MAGI1: variants seen among roughly 807,000 people sequenced by gnomAD.
MAGI1 encodes membrane associated guanylate kinase, WW and PDZ domain containing 1.
Under a neutral mutation model 139.9 loss-of-function variants are expected in MAGI1, and 58 were observed. That is an observed-to-expected ratio of 0.41 (90% confidence interval 0.34 to 0.52). MAGI1 has a LOEUF of 0.52. MAGI1 is among the 20% of genes least tolerant of loss of function. The pLI, the probability that MAGI1 is intolerant of heterozygous loss-of-function variation, is 0.12. For synonymous variants in MAGI1, 812 were observed against 737.9 expected (o/e 1.10, Z -1.63); for missense variants, 1,874 against 1,901.6 (o/e 0.99, Z 0.27).
At chr3:65,923,454 T>C (rs954527696) in intron 1 of MAGI1, among the ~76,000 whole-genome samples, 2 of 151,986 alleles carry the variant, frequency 1.3e-5, no homozygotes, top group African/African-American at 4.8e-5. Context: ...CTCGATCTCT[T>C]GACCTCATGA....
chr3:65,375,710 G>A (rs753636897), intron 18 of MAGI1, 35 bp downstream of exon 18: 63 of 730,670 alleles, frequency 8.6e-5, no homozygotes, highest in Non-Finnish European at 1.1e-4. Context: ...GAGAGAAAAA[G>A]AGAGAGAGAG....
intron 2 of MAGI1, among the ~76,000 whole-genome samples, chr3:65,617,685 A>G (rs906463771): frequency 2.0e-5 from 3 of 152,194 alleles, no homozygotes. Flanking sequence ...TTTGGGGCTC[A>G]AGACTCTGAC....
intron 1 of MAGI1, among the ~76,000 whole-genome samples, chr3:65,699,176 G>C (rs2107602989): frequency 1.0e-5 from 1 of 99,760 alleles, no homozygotes; most frequent in East Asian, 3.2e-4. Flanking sequence ...ACCACAATGA[G>C]ATACCATCTC....
At chr3:65,833,264 G>A (rs893201003) in intron 1 of MAGI1, among the ~76,000 whole-genome samples, 3 of 151,952 alleles carry the variant, frequency 2.0e-5, no homozygotes, top group Non-Finnish European at 2.9e-5. Context: ...GATCACAGGC[G>A]TGCACCACTA....
At chr3:66,027,093 C>T (rs1010508471) in intron 1 of MAGI1, among the ~76,000 whole-genome samples, 1 of 151,608 alleles carries the variant, frequency 6.6e-6, no homozygotes, top group Non-Finnish European at 1.5e-5. Flanking sequence ...CACGGTGAAA[C>T]CCCATCTCTA....
intron 2 of MAGI1, among the ~76,000 whole-genome samples, chr3:65,608,106 G>GT (rs1363092309): frequency 2.6e-5 from 4 of 152,130 alleles, no homozygotes; most frequent in Non-Finnish European, 4.4e-5. Context: ...TTAAAACCCA[G>GT]TTTTTTCTAC....
intron 1 of MAGI1, among the ~76,000 whole-genome samples, chr3:65,738,618 G>T (rs991226118): frequency 6.6e-6 from 1 of 152,208 alleles, no homozygotes; most frequent in East Asian, 1.9e-4. Context: ...AGACTTGAAA[G>T]TTTAAGTGAC....
intron 1 of MAGI1, among the ~76,000 whole-genome samples, chr3:65,791,102 T>A (rs1352894565): frequency 2.6e-5 from 4 of 152,074 alleles, no homozygotes; most frequent in Non-Finnish European, 5.9e-5. Flanking sequence ...AAATAAAGAA[T>A]GTGCAAATCA....
At chr3:65,812,468 T>TCTCACACACACACACACACACA (rs1176899313) in intron 1 of MAGI1, among the ~76,000 whole-genome samples, 16 of 89,162 alleles carry the variant, frequency 1.8e-4, no homozygotes, top group South Asian at 1.5e-3. Flanking sequence ...TCTCTCTCTC[T>TCTCACACACACACACACACACA]CACACACACA....
chr3:65,952,843 C>A (rs1029557137), intron 1 of MAGI1, among the ~76,000 whole-genome samples: 1 of 152,148 alleles, frequency 6.6e-6, no homozygotes, highest in Non-Finnish European at 1.5e-5. Flanking sequence ...CAAAAAGCCA[C>A]ATAAATATCA....
chr3:65,704,949 C>A (rs537129327), intron 1 of MAGI1, among the ~76,000 whole-genome samples: 1 of 152,154 alleles, frequency 6.6e-6, no homozygotes, highest in African/African-American at 2.4e-5. Flanking sequence ...TGCACAGACT[C>A]CTCCGCGGTT....
Position 65,356,421 on chromosome 3 carries a change from C to G in MAGI1, c.4346G>C (p.Arg1449Thr), listed in dbSNP as rs1049997723. 5.0e-6 allele frequency: 8 copies of G among 1,607,626 alleles called. No homozygotes were observed. The highest frequency in any genetic ancestry group is 6.8e-6 in the Non-Finnish European group (8 of 1,178,340). The change falls in exon 23 of 23, where the codon AGA (arginine) becomes ACA (threonine). Residue 1449 changes from arginine to threonine, a missense_variant. Physicochemically the swap from Arg to Thr is moderately conservative, Grantham distance 71. Coordinates refer to ENST00000402939, the MANE Select transcript of MAGI1 (RefSeq NM_001033057.2). ...GCTACATTCTTTGTAAGGTCGCCTT[C>G]TCTGCTCCGGGGGATGTCTGGAACT... ...GRSSRHPPEQ[R>T]RRPYKECSTD...
chr3:65,764,288 G>A (rs573739846), intron 1 of MAGI1, among the ~76,000 whole-genome samples: 2 of 152,064 alleles, frequency 1.3e-5, no homozygotes, highest in African/African-American at 4.8e-5. Flanking sequence ...AGATTCTCAG[G>A]TAAAAATGTA....
At chr3:65,933,341 G>A (rs2062890941) in intron 1 of MAGI1, among the ~76,000 whole-genome samples, 2 of 152,166 alleles carry the variant, frequency 1.3e-5, no homozygotes, top group South Asian at 4.1e-4. Flanking sequence ...GGCTTGACTG[G>A]GGCTGAGGGA....
chr3:65,577,956 ACT>A, intron 2 of MAGI1, among the ~76,000 whole-genome samples: 1 of 151,444 alleles, frequency 6.6e-6, no homozygotes, highest in East Asian at 1.9e-4. Flanking sequence ...TCTCTCACAC[ACT>A]CTCACACACG....
At chr3:65,409,827 A>T (rs1366278626) in intron 12 of MAGI1, among the ~76,000 whole-genome samples, 1 of 152,204 alleles carries the variant, frequency 6.6e-6, no homozygotes, top group African/African-American at 2.4e-5. Flanking sequence ...TTAGAGAGAT[A>T]GTTGGACTTC....
At chr3:65,577,033 C>G (rs2081207512) in intron 2 of MAGI1, among the ~76,000 whole-genome samples, 1 of 152,112 alleles carries the variant, frequency 6.6e-6, no homozygotes, top group South Asian at 2.1e-4. Flanking sequence ...TTTCACATAC[C>G]ATGGCACATT....
chr3:65,970,399 G>A (rs2064964529), intron 1 of MAGI1, among the ~76,000 whole-genome samples: 1 of 151,988 alleles, frequency 6.6e-6, no homozygotes, highest in African/African-American at 2.4e-5. Context: ...AGATGAAAAA[G>A]TTGTGGAGAG....
At chr3:65,359,289 G>A in intron 22 of MAGI1, 1 of 1,475,548 alleles carries the variant, frequency 6.8e-7, no homozygotes, top group African/African-American at 1.4e-5. Flanking sequence ...AGGGCAAAGA[G>A]AGTTTATTTG....
Sources: gnomAD v4.1 joint callset for allele counts (sites outside exome capture counted in the v4.1 genomes callset) on GRCh38, gnomAD v4.1.1 for gene constraint, MANE v1.5 for transcripts, NCBI Gene and HGNC (gene_info 2026-07-23, HGNC 2026-07-21) for gene names.